TLL1: variants seen among roughly 807,000 people sequenced by gnomAD.
The protein encoded by TLL1 is tolloid like 1.
In TLL1, 49 loss-of-function variants were observed where a neutral mutation model predicts 128.2. The ratio of observed to expected loss-of-function variants is 0.38; its 90% CI spans 0.30 to 0.48. TLL1 has a LOEUF of 0.48. Among genes scored for constraint, TLL1 ranks in the 20% least tolerant of loss-of-function variants. TLL1 has a pLI of 0.96. For missense variants in TLL1, 1,123 were observed against 1,242.0 expected (o/e 0.90, Z 1.44); for synonymous variants, 454 against 418.8 (o/e 1.08, Z -1.03).
intron 1 of TLL1, among the ~76,000 whole-genome samples, chr4:165,933,053 A>G (rs542121221): frequency 6.6e-6 from 1 of 152,334 alleles, no homozygotes; most frequent in Non-Finnish European, 1.5e-5. Flanking sequence ...TCACAATTTT[A>G]TACTGTACTA....
At chr4:166,042,189 C>A in intron 11 of TLL1, 46 bp downstream of exon 11, 1 of 1,235,448 alleles carries the variant, frequency 8.1e-7, no homozygotes, top group Non-Finnish European at 1.2e-6. Flanking sequence ...TATATCTCAA[C>A]AGAAATGTTC....
rs530155547 is a variant in TLL1 at position 166,041,420 on chromosome 4, C to T, written c.1262-607C>T. On this transcript the variant is annotated intron_variant, in intron 10 of 20. Transcript: ENST00000061240. ...GACTCAAGCGATTCTCCTGCCTCAG[C>T]CTTCCGAGTAGCTGGGACTATAGGC... is the stretch of plus-strand genomic sequence containing the variant. 1.8e-3 allele frequency among the ~76,000 whole-genome samples: 279 copies of T among 151,928 alleles called. 1 individual carries two copies. Among genetic ancestry groups the T allele is most frequent in the African/African-American group, 6.1e-3 (254 of 41,440 alleles).
chr4:166,047,102 A>G (rs1409116057), intron 12 of TLL1, among the ~76,000 whole-genome samples: 1 of 152,160 alleles, frequency 6.6e-6, no homozygotes. Flanking sequence ...CTGATAAAGT[A>G]CAGTTTTTAT....
intron 18 of TLL1, among the ~76,000 whole-genome samples, chr4:166,089,727 A>G (rs887813897): frequency 2.6e-5 from 4 of 152,098 alleles, no homozygotes; most frequent in African/African-American, 9.7e-5. Context: ...TTCATCCATA[A>G]TGATTATAAC....
At chr4:166,022,783 A>T (rs1738303904) in intron 8 of TLL1, among the ~76,000 whole-genome samples, 1 of 152,242 alleles carries the variant, frequency 6.6e-6, no homozygotes, top group South Asian at 2.1e-4. Flanking sequence ...TGCTAGAAGG[A>T]ACATACATAT....
intron 7 of TLL1, among the ~76,000 whole-genome samples, chr4:166,011,998 G>A (rs181347754): frequency 3.3e-5 from 5 of 151,550 alleles, no homozygotes; most frequent in African/African-American, 9.7e-5. Context: ...TTATGATGTT[G>A]CCCATCAATA....
At chr4:166,065,149 A>G (rs1232607792) in intron 15 of TLL1, among the ~76,000 whole-genome samples, 1 of 152,126 alleles carries the variant, frequency 6.6e-6, no homozygotes, top group African/African-American at 2.4e-5. Context: ...CCTCCTTTGC[A>G]CTGAATAGAA....
intron 1 of TLL1, among the ~76,000 whole-genome samples, chr4:165,984,074 G>T (rs1736284021): frequency 6.6e-6 from 1 of 151,760 alleles, no homozygotes; most frequent in South Asian, 2.1e-4. Context: ...TGCATGGGAT[G>T]CCTTTGTATG....
chr4:165,919,155 G>A (rs1231446615), intron 1 of TLL1, among the ~76,000 whole-genome samples: 1 of 152,000 alleles, frequency 6.6e-6, no homozygotes, highest in Non-Finnish European at 1.5e-5. Context: ...ACCAAGGGAG[G>A]AGGATCACTG....
intron 1 of TLL1, among the ~76,000 whole-genome samples, chr4:165,901,044 T>C (rs1004714352): frequency 2.0e-5 from 3 of 152,074 alleles, no homozygotes; most frequent in Admixed American, 1.3e-4. Context: ...TTGATACTTA[T>C]GTTTGCTGCA....
chr4:166,000,886 T>C (rs1242080817), intron 5 of TLL1, among the ~76,000 whole-genome samples: 1 of 152,208 alleles, frequency 6.6e-6, no homozygotes, highest in Non-Finnish European at 1.5e-5. Context: ...CTCTTTCTTC[T>C]TTCTATTACT....
In TLL1 at chr4:165,976,668, A is replaced by C. The variant is rs142895039; in HGVS notation, c.170-12713A>C. Among the ~76,000 whole-genome samples, 262 of 152,372 alleles carry C rather than the reference A, an allele frequency of 1.7e-3. 3 individuals carry two copies. In the East Asian group the frequency reaches 0.023, roughly 14 times the overall value. On this transcript the variant is annotated intron_variant, in intron 1 of 20. Coordinates refer to ENST00000061240, the MANE Select transcript of TLL1 (RefSeq NM_012464.5). ...TTCATATAAAGTGATTGTTACCAAC[A>C]TAGTAGGATATTAAAGCTATACACC...
chr4:166,029,337 A>G (rs1738646383), intron 9 of TLL1, among the ~76,000 whole-genome samples: 1 of 152,060 alleles, frequency 6.6e-6, no homozygotes, highest in African/African-American at 2.4e-5. Flanking sequence ...ATCTTAAAAC[A>G]TATAAGATTA....
chr4:166,030,957 A>C, intron 9 of TLL1: 1 of 973,854 alleles, frequency 1.0e-6, no homozygotes. Context: ...GCTTGCAAAA[A>C]TACCTTCATT....
intron 9 of TLL1, chr4:166,030,936 T>C: frequency 1.0e-6 from 1 of 979,430 alleles, no homozygotes; most frequent in South Asian, 4.7e-5. Flanking sequence ...TTAACTTTGT[T>C]TTAAATAAAA....
At chr4:165,993,375 ATTAG>A (rs1267162549) in intron 3 of TLL1, among the ~76,000 whole-genome samples, 1 of 152,070 alleles carries the variant, frequency 6.6e-6, no homozygotes, top group Non-Finnish European at 1.5e-5. Context: ...CTGGCTCATA[ATTAG>A]TTAATATTTA....
At chr4:166,094,379 T>C (rs1296945883) in intron 19 of TLL1, among the ~76,000 whole-genome samples, 1 of 152,196 alleles carries the variant, frequency 6.6e-6, no homozygotes, top group Non-Finnish European at 1.5e-5. Context: ...AAAACTGTCA[T>C]TCTTATTAGG....
intron 16 of TLL1, among the ~76,000 whole-genome samples, chr4:166,069,287 T>A (rs1382666397): frequency 6.6e-6 from 1 of 151,768 alleles, no homozygotes; most frequent in Non-Finnish European, 1.5e-5. Context: ...AAAGTGGTTA[T>A]GTTTATAGCC....
At chr4:166,001,139 G>A (rs971636969) in intron 5 of TLL1, among the ~76,000 whole-genome samples, 11 of 151,980 alleles carry the variant, frequency 7.2e-5, no homozygotes, top group African/African-American at 1.9e-4. Flanking sequence ...TTAATCATTC[G>A]GTCAATTAGT....
Sources: gnomAD v4.1 joint callset for allele counts (sites outside exome capture counted in the v4.1 genomes callset) on GRCh38, gnomAD v4.1.1 for gene constraint, MANE v1.5 for transcripts, NCBI Gene and HGNC (gene_info 2026-07-23, HGNC 2026-07-21) for gene names.